ROBO1: variants seen among roughly 807,000 people sequenced by gnomAD.
ROBO1 encodes roundabout guidance receptor 1.
ROBO1 carries 149 observed loss-of-function variants against 195.9 expected under a neutral mutation model. The ratio of observed to expected loss-of-function variants is 0.76; its 90% CI spans 0.67 to 0.87. The LOEUF is 0.87. ROBO1 is among the 40% of genes least tolerant of loss of function. The pLI is 0.00. For synonymous variants in ROBO1, 816 were observed against 733.2 expected (o/e 1.11, Z -1.82); for missense variants, 1,933 against 2,068.3 (o/e 0.93, Z 1.27).
chr3:79,705,386 T>C (rs1947737371), intron 1 of ROBO1, among the ~76,000 whole-genome samples: 3 of 151,182 alleles, frequency 2.0e-5, no homozygotes. Context: ...TATTTTGTTT[T>C]CTCATGGGGA....
intron 3 of ROBO1, among the ~76,000 whole-genome samples, chr3:79,080,235 A>G (rs982946562): frequency 6.6e-6 from 1 of 151,906 alleles, no homozygotes; most frequent in Non-Finnish European, 1.5e-5. Flanking sequence ...TCCTTTCTTA[A>G]TATTAACTTT....
rs1164130872 is a variant in ROBO1, at chr3:78,975,444, C to A, written c.173-36517G>T. Among the ~76,000 whole-genome samples, 14 of 152,108 alleles carry A rather than the reference C, an allele frequency of 9.2e-5. No individual in the cohort carries two copies. In the East Asian group the frequency reaches 2.7e-3, roughly 29 times the overall value. On this transcript the variant is annotated intron_variant, in intron 3 of 30. Coordinates refer to ENST00000464233, the MANE Select transcript of ROBO1 (RefSeq NM_002941.4). ...GAATATTGAGAGAGAATATTGAGGGCACAGTGGATAAAAAGAATGAGAATT... is the reference window on the plus strand; with the variant it reads ...GAATATTGAGAGAGAATATTGAGGGAACAGTGGATAAAAAGAATGAGAATT...
chr3:79,496,981 G>A (rs2107479469), intron 2 of ROBO1, among the ~76,000 whole-genome samples: 1 of 152,234 alleles, frequency 6.6e-6, no homozygotes, highest in East Asian at 1.9e-4. Context: ...AACAAAAGAA[G>A]ATAAAACATT....
At chr3:79,507,470 C>T (rs1940464600) in intron 2 of ROBO1, among the ~76,000 whole-genome samples, 1 of 152,174 alleles carries the variant, frequency 6.6e-6, no homozygotes, top group Non-Finnish European at 1.5e-5. Context: ...TGTGGAGGTT[C>T]TTCAGAGCCT....
chr3:78,693,437 G>T, intron 8 of ROBO1: 2 of 1,023,538 alleles, frequency 2.0e-6, no homozygotes, highest in Non-Finnish European at 2.9e-6. Context: ...AATAAGATTT[G>T]ACTTAACAAT....
At chr3:79,297,531 A>T (rs1362522316) in intron 2 of ROBO1, among the ~76,000 whole-genome samples, 1 of 152,132 alleles carries the variant, frequency 6.6e-6, no homozygotes, top group Non-Finnish European at 1.5e-5. Flanking sequence ...ACTCACACAA[A>T]AACTCCCTCT....
At chr3:79,302,075 T>A (rs1703132020) in intron 2 of ROBO1, among the ~76,000 whole-genome samples, 1 of 152,182 alleles carries the variant, frequency 6.6e-6, no homozygotes, top group Non-Finnish European at 1.5e-5. Flanking sequence ...ACATAGGGTG[T>A]ATTTTTGGCT....
intron 4 of ROBO1, among the ~76,000 whole-genome samples, chr3:78,933,018 C>T (rs1430353005): frequency 6.6e-6 from 1 of 152,066 alleles, no homozygotes; most frequent in Admixed American, 6.6e-5. Flanking sequence ...AGGATTAATA[C>T]ACACTTCTGT....
intron 3 of ROBO1, among the ~76,000 whole-genome samples, chr3:78,948,076 T>C (rs371509525): frequency 3.9e-5 from 6 of 152,024 alleles, no homozygotes; most frequent in Admixed American, 1.3e-4. Flanking sequence ...GGATTCACAG[T>C]CGAATTCTAC....
At chr3:79,173,375 C>T (rs972598936) in intron 2 of ROBO1, among the ~76,000 whole-genome samples, 2 of 152,118 alleles carry the variant, frequency 1.3e-5, no homozygotes, top group Non-Finnish European at 2.9e-5. Flanking sequence ...GCGCGCGGTG[C>T]TTGCAGGCCA....
At chr3:79,615,935 G>A (rs1040493014) in intron 1 of ROBO1, among the ~76,000 whole-genome samples, 3 of 152,154 alleles carry the variant, frequency 2.0e-5, no homozygotes, top group Non-Finnish European at 2.9e-5. Context: ...CAAAGTTACA[G>A]GCCCAAGGGA....
chr3:79,523,433 A>G (rs1559963113), intron 2 of ROBO1, among the ~76,000 whole-genome samples: 1 of 151,436 alleles, frequency 6.6e-6, no homozygotes, highest in African/African-American at 2.4e-5. Context: ...AAAAAAGCCC[A>G]CAAAAAATAG....
chr3:79,194,992 T>C (rs1319150019), intron 2 of ROBO1, among the ~76,000 whole-genome samples: 3 of 151,682 alleles, frequency 2.0e-5, no homozygotes, highest in Non-Finnish European at 3.0e-5. Context: ...TAGCTGGAGA[T>C]AAAGAAACAG....
chr3:79,055,526 C>T (rs1035833568), intron 3 of ROBO1, among the ~76,000 whole-genome samples: 2 of 152,094 alleles, frequency 1.3e-5, no homozygotes, highest in South Asian at 2.1e-4. Flanking sequence ...TTTATCTTGA[C>T]TTGCACTGGC....
chr3:78,658,777 G>C (rs1707198646), intron 17 of ROBO1, among the ~76,000 whole-genome samples: 1 of 151,984 alleles, frequency 6.6e-6, no homozygotes, highest in Non-Finnish European at 1.5e-5. Context: ...ACCAAGAAAT[G>C]CTCAGACCCT....
At chr3:79,342,123 T>C (rs1206276205) in intron 2 of ROBO1, among the ~76,000 whole-genome samples, 1 of 151,968 alleles carries the variant, frequency 6.6e-6, no homozygotes, top group Non-Finnish European at 1.5e-5. Context: ...CAGTCTGTAG[T>C]GGGAAAAGAT....
At chr3:78,730,216 G>T (rs1314121745) in intron 5 of ROBO1, among the ~76,000 whole-genome samples, 1 of 152,188 alleles carries the variant, frequency 6.6e-6, no homozygotes, top group Non-Finnish European at 1.5e-5. Flanking sequence ...CCTCTCTCTG[G>T]GTTCTTATAC....
At chr3:79,664,476 C>A (rs534974572) in intron 1 of ROBO1, among the ~76,000 whole-genome samples, 1 of 152,152 alleles carries the variant, frequency 6.6e-6, no homozygotes, top group South Asian at 2.1e-4. Context: ...ATGCCTTGTC[C>A]TACATCTTCC....
intron 5 of ROBO1, 126 bp from the exon 6 acceptor site, chr3:78,718,009 G>C: frequency 1.2e-6 from 1 of 858,312 alleles, no homozygotes; most frequent in Non-Finnish European, 1.8e-6. Context: ...ATCAACAGCT[G>C]ATATGTAGTA....
Sources: allele counts gnomAD v4.1 joint callset (sites outside exome capture counted in the v4.1 genomes callset), GRCh38; gene constraint gnomAD v4.1.1; transcripts MANE v1.5; gene names NCBI Gene and HGNC (gene_info 2026-07-23, HGNC 2026-07-21).